The following ZNF263 variants were observed in gnomAD, a reference collection of about 807,000 sequenced individuals.
ZNF263 encodes the protein zinc finger protein FPM315.
In ZNF263, 49 loss-of-function variants were observed where a neutral mutation model predicts 63.1. The observed-to-expected ratio is 0.78, with a 90% CI of 0.62 to 0.99. ZNF263 has a LOEUF of 0.99. ZNF263 is among the 50% of genes least tolerant of loss of function. The pLI is 0.00. For missense variants in ZNF263, 872 were observed against 854.8 expected (o/e 1.02, Z -0.25); for synonymous variants, 352 against 324.2 (o/e 1.09, Z -0.92).
Position 3,283,782 on chromosome 16 carries a change from G to A in ZNF263, c.-37G>A. On this transcript the variant is annotated 5_prime_UTR_variant, in exon 1 of 6. Transcript: ENST00000219069. ...TCAGGGCGCCTTCGTAGGCGGGCAC[G>A]GCTGGTTTCGGGCTAAGGCGCTCTG... 6.7e-7 allele frequency: 1 copy of A among 1,503,356 alleles called. No individual in the cohort carries two copies. The highest frequency in any genetic ancestry group is 8.8e-7 in the Non-Finnish European group (1 of 1,131,576). The allele number at this position is 1,503,356 out of a possible 1,614,324, so 93.1% of individuals were successfully genotyped here. A position where few individuals can be genotyped will look rare whatever the true frequency, so the allele number is the denominator to read the frequency against.
chr16:3,298,916 T>C (rs778660601), intron 1 of ZNF263: 1 of 763,880 alleles, frequency 1.3e-6, no homozygotes, highest in Admixed American at 3.2e-5. Flanking sequence ...ACAAGACAAT[T>C]CACAGCTGGC....
intron 2 of ZNF263, chr16:3,300,309 C>T (rs1959900194): frequency 1.2e-6 from 2 of 1,614,250 alleles, no homozygotes; most frequent in South Asian, 1.1e-5. Flanking sequence ...CAGCCTGAAG[C>T]TCCACGCCTC....
chr16:3,300,550 A>G (rs1489440596), intron 2 of ZNF263: 2 of 1,612,604 alleles, frequency 1.2e-6, no homozygotes, highest in Non-Finnish European at 1.7e-6. Context: ...TCCAGCTTCA[A>G]TTCTACTTAG....
Position 3,299,597 on chromosome 16 carries a change from G to A in ZNF263, c.*46+441G>A, listed in dbSNP as rs375344719. Reference sequence around the variant, plus strand: ...TCAAGTTGCTTCCATCTATACAGCCGTTTGCAGCTCAAGATCACACCTTGA... The same window carrying A: ...TCAAGTTGCTTCCATCTATACAGCCATTTGCAGCTCAAGATCACACCTTGA... On this transcript the variant is annotated intron_variant, in intron 2 of 2. Coordinates refer to the ZNF263 transcript ENST00000574674. 1.0e-4 allele frequency: 155 copies of A among 1,556,400 alleles called. 1 individual carries two copies. In the South Asian group the frequency reaches 1.7e-3, roughly 17 times the overall value.
intron 2 of ZNF263, chr16:3,300,752 A>T: frequency 7.1e-7 from 1 of 1,405,024 alleles, no homozygotes; most frequent in South Asian, 1.6e-5. Context: ...TTGGAGGATA[A>T]TGGACTGAAG....
intron 2 of ZNF263, chr16:3,300,110 G>A (rs777128388): frequency 6.2e-7 from 1 of 1,614,084 alleles, no homozygotes; most frequent in African/African-American, 1.3e-5. Flanking sequence ...GCTAGACACA[G>A]TTTCTCCTCT....
At position 3,283,987 on chromosome 16, in the gene ZNF263, G is replaced by GA; in HGVS notation, c.171dup (p.Ala58SerfsTer16). 1 of 1,614,002 alleles carries GA rather than the reference G, an allele frequency of 6.2e-7. No individual in the cohort carries two copies. The highest frequency in any genetic ancestry group is 1.7e-5 in the Admixed American group (1 of 60,026). On this transcript the variant is annotated frameshift_variant, in exon 1 of 6. Transcript: ENST00000219069. LOFTEE classifies it high-confidence loss of function. Reference sequence around the variant, plus strand: ...CTTCCAAGAGGCAGCTGGTCCCCGGGAAGCCCTCAGCCGGCTCCAAGAGCT... The same window carrying GA: ...CTTCCAAGAGGCAGCTGGTCCCCGGGAAAGCCCTCAGCCGGCTCCAAGAGCT...
chr16:3,300,508 C>A, intron 2 of ZNF263: 1 of 1,614,058 alleles, frequency 6.2e-7, no homozygotes, highest in Non-Finnish European at 8.5e-7. Context: ...CTTACTGATT[C>A]CAAATTCATC....
At position 3,298,664 on chromosome 16, in the gene ZNF263, GCA is replaced by G. The variant is rs1959835209; in HGVS notation, c.152-439_152-438del. Among the ~76,000 whole-genome samples, 8 of 152,230 alleles carry G rather than the reference GCA, an allele frequency of 5.3e-5. 3 individuals are homozygous for G. Among genetic ancestry groups the G allele is most frequent in the African/African-American group, 1.9e-4 (8 of 41,542 alleles). On this transcript the variant is annotated intron_variant, in intron 1 of 2. Coordinates refer to the ZNF263 transcript ENST00000574674. ...TCTTAAAGCTAACTAGAACTAGTCA[GCA>G]CAGTTTCTTTGTTATACGATATGAT...
downstream of ZNF263, among the ~76,000 whole-genome samples, chr16:3,296,393 C>T (rs1959746086): frequency 6.6e-6 from 1 of 152,186 alleles, no homozygotes; most frequent in African/African-American, 2.4e-5. Context: ...CCATCCCCCT[C>T]CACTTCCACA....
intron 4 of ZNF263, 32 bp downstream of exon 4, chr16:3,286,181 C>A: frequency 1.3e-6 from 2 of 1,560,550 alleles, no homozygotes; most frequent in Non-Finnish European, 1.7e-6. Context: ...ATGATGACTG[C>A]GCCATTTCTG....
At chr16:3,293,430 AGT>A (rs1207467631), downstream of ZNF263, 1 of 152,258 alleles carries the variant, frequency 6.6e-6, no homozygotes, top group Non-Finnish European at 1.5e-5. Context: ...TCTTTATAGC[AGT>A]GTGAGAACTA....
At position 3,288,524 on chromosome 16, in the gene ZNF263, T is replaced by C. The variant is rs374860791; in HGVS notation, c.840T>C (p.Ser280=). ...VGQGGKLWDP[S]VQSCKEGLSP... ...AAGGAGGAAAGCTATGGGATCCCAGTGTCCAGAGCTGCAAGGAGGGCCTGA... is the reference window on the plus strand; with the variant it reads ...AAGGAGGAAAGCTATGGGATCCCAGCGTCCAGAGCTGCAAGGAGGGCCTGA... The change falls in exon 5 of 6, where the codon AGT becomes AGC. Residue 280 remains serine (S), a synonymous_variant. Coordinates refer to ENST00000219069, the MANE Select transcript of ZNF263 (RefSeq NM_005741.5). 6.8e-6 allele frequency: 11 copies of C among 1,612,272 alleles called. No individual in the cohort carries two copies. The highest frequency in any genetic ancestry group is 9.3e-6 in the Non-Finnish European group (11 of 1,179,160).
chr16:3,289,303 G>A, intron 5 of ZNF263, 90 bp from the exon 6 acceptor site: 1 of 1,413,858 alleles, frequency 7.1e-7, no homozygotes, highest in East Asian at 2.4e-5. Flanking sequence ...CTTCTGGGCT[G>A]CTGACCTAAC....
intron 1 of ZNF263, among the ~76,000 whole-genome samples, chr16:3,284,715 T>C (rs1223000731): frequency 6.6e-6 from 1 of 152,144 alleles, no homozygotes; most frequent in African/African-American, 2.4e-5. Flanking sequence ...GAAAGATAAT[T>C]TGGCACCGAG....
Position 3,290,915 on chromosome 16 carries a change from G to GAT in ZNF263, c.*359_*360dup. 9.8e-7 allele frequency: 1 copy of GAT among 1,022,962 alleles called. No homozygotes were observed. The highest frequency in any genetic ancestry group is 1.2e-6 in the Non-Finnish European group (1 of 851,974). 63.4% of individuals were successfully genotyped at this position (1,022,962 alleles called of 1,614,324 possible). ...GTTTGGGAATCCATGTGATGTTTTTGATACTTCTTCCTCATTTGGGACATT... is the reference window on the plus strand; with the variant it reads ...GTTTGGGAATCCATGTGATGTTTTTGATATACTTCTTCCTCATTTGGGACATT... On this transcript the variant is annotated 3_prime_UTR_variant, in exon 6 of 6. Transcript: ENST00000219069.
chr16:3,291,637 G>T (rs1959615113), downstream of ZNF263, among the ~76,000 whole-genome samples: 1 of 152,216 alleles, frequency 6.6e-6, no homozygotes, highest in African/African-American at 2.4e-5. Context: ...CCTCCAGGCT[G>T]GGACTGCCAT....
chr16:3,293,061 A>ACTGCAG (rs955339904), downstream of ZNF263: 8 of 152,160 alleles, frequency 5.3e-5, no homozygotes, highest in African/African-American at 9.7e-5. Context: ...TGATTCCCTT[A>ACTGCAG]CTGCAGGCCC....
chr16:3,297,457 T>C (rs12930793), intron 1 of ZNF263, among the ~76,000 whole-genome samples: 2 of 31,350 alleles, frequency 6.4e-5, no homozygotes, highest in African/African-American at 2.5e-4. Flanking sequence ...AAACAGATTC[T>C]TTTTTTTTTT....
Sources: allele counts gnomAD v4.1 joint callset (sites outside exome capture counted in the v4.1 genomes callset), GRCh38; gene constraint gnomAD v4.1.1; transcripts MANE v1.5; gene names NCBI Gene and HGNC (gene_info 2026-07-23, HGNC 2026-07-21).